Variants in RAB40B observed in about 807,000 individuals in gnomAD.
RAB40B encodes the protein ras-related protein Rab-40B.
RAB40B carries 21 observed loss-of-function variants against 24.0 expected under a neutral mutation model. The ratio of observed to expected loss-of-function variants is 0.88; its 90% CI spans 0.62 to 1.26. The LOEUF is 1.26. RAB40B is among the 50% of genes most tolerant of loss of function. RAB40B has a pLI of 0.00. For missense variants in RAB40B, 348 were observed against 390.5 expected, an observed-to-expected ratio of 0.89 and a Z score of 0.92; for synonymous variants, 167 against 169.8, an observed-to-expected ratio of 0.98 and a Z score of 0.13.
chr17:82,663,297 G>A lies in RAB40B; in HGVS notation c.203+1199C>T, dbSNP rs1335462527. Among the ~76,000 whole-genome samples the A allele has an allele frequency of 6.6e-6, 1 of 152,136 alleles. No individual in the cohort carries two copies. Among genetic ancestry groups the A allele is most frequent in the Non-Finnish European group, 1.5e-5 (1 of 67,988 alleles). On this transcript the variant is annotated intron_variant, in intron 2 of 5. Coordinates refer to ENST00000571995, the MANE Select transcript of RAB40B (RefSeq NM_006822.3). This position sits in a 1 kb window ranked among gnomAD's most constrained non-coding sequence, Gnocchi z 6.2. ...GGGGTCCCAGCTGCTGGAGGCACAC[G>A]TGGCTCGGGGGTGGCCCAGCAGGCA...
In RAB40B at chr17:82,692,657, T is replaced by C. The variant is rs1365303440; in HGVS notation, c.142+5798A>G. ...TCCCTGCCTCAGGCCTCACCCCAGC[T>C]GGAGGCAGCCATTCATGTCAAAGGT... On this transcript the variant is annotated intron_variant, in intron 1 of 5. Transcript: ENST00000571995. The surrounding 1 kb of genome is among the most constrained non-coding windows in gnomAD (Gnocchi z 4.0). Among the ~76,000 whole-genome samples the C allele has an allele frequency of 6.6e-6, 1 of 152,164 alleles. No homozygotes were observed. Among genetic ancestry groups the C allele is most frequent in the African/African-American group, 2.4e-5 (1 of 41,426 alleles).
chr17:82,679,899 C>T lies in RAB40B; in HGVS notation c.143-15343G>A, dbSNP rs367883440. ...GCCCGAGCAGGCTGCGGGGTGAACG[C>T]AGTCGTGGGAGGCTCACGAAGAGAC... On this transcript the variant is annotated intron_variant, in intron 1 of 5. Transcript: ENST00000571995. Among the ~76,000 whole-genome samples, 186 of 152,362 alleles carry T rather than the reference C, an allele frequency of 1.2e-3. 3 individuals are homozygous for T. In the Middle Eastern group the frequency reaches 0.017, roughly 14 times the overall value.
chr17:82,676,659 G>A (rs1223072217), intron 1 of RAB40B, among the ~76,000 whole-genome samples: 2 of 151,836 alleles, frequency 1.3e-5, no homozygotes, highest in African/African-American at 2.4e-5. Flanking sequence ...ATGGAGTCTC[G>A]CTGTGTCGCC....
chr17:82,692,690 T>A lies in RAB40B; in HGVS notation c.142+5765A>T, dbSNP rs2046571068. Among the ~76,000 whole-genome samples the A allele has an allele frequency of 6.6e-6, 1 of 152,188 alleles. No individual in the cohort carries two copies. On this transcript the variant is annotated intron_variant, in intron 1 of 5. Transcript: ENST00000571995. The surrounding 1 kb of genome is among the most constrained non-coding windows in gnomAD (Gnocchi z 4.0). ...GCCATTCATGTCAAAGGTAAAACGA[T>A]GCTTGTAGAGAACATTTTTTTTTTA...
At chr17:82,679,739 G>A (rs909734628) in intron 1 of RAB40B, among the ~76,000 whole-genome samples, 2 of 16,594 alleles carry the variant, frequency 1.2e-4, no homozygotes, top group African/African-American at 2.4e-4. Flanking sequence ...GCAGGTCACC[G>A]AGCACAGGGC....
chr17:82,664,737 C>T (rs2046232714), intron 1 of RAB40B, 181 bp from the exon 2 acceptor site: 2 of 592,402 alleles, frequency 3.4e-6, no homozygotes, highest in African/African-American at 3.8e-5. Context: ...CGCCCTCCCG[C>T]ACCCGGGCCC....
chr17:82,698,533 C>T lies in RAB40B; in HGVS notation c.64G>A (p.Asp22Asn), dbSNP rs751871099. ...DFLLKFLLVG[D>N]SDVGKGEILA... is the part of the protein sequence containing the mutation. ...ATCTCGCCCTTGCCCACGTCGCTGT[C>T]GCCCACCAGCAGGAACTTGAGCAGA... Residue 22 changes from aspartate to asparagine, a missense_variant, in exon 1 of 6, where the codon GAC becomes AAC. Physicochemically the swap from Asp to Asn is conservative, Grantham distance 23. Around this residue, in one of 3 missense-constraint regions of RAB40B, gnomAD observed 101 missense variants for 85.5 expected, o/e 1.18. Transcript: ENST00000571995. The T allele has an allele frequency of 2.6e-6, 4 of 1,529,608 alleles. No homozygotes were observed. The highest frequency in any genetic ancestry group is 3.5e-6 in the Non-Finnish European group (4 of 1,133,780). 94.8% of individuals were successfully genotyped at this position (1,529,608 alleles called of 1,614,324 possible). A position where few individuals can be genotyped will look rare whatever the true frequency, so the allele number is the denominator to read the frequency against.
chr17:82,696,163 C>T (rs1238374934), intron 1 of RAB40B, among the ~76,000 whole-genome samples: 1 of 152,172 alleles, frequency 6.6e-6, no homozygotes, highest in African/African-American at 2.4e-5. Flanking sequence ...CCACCGCCCC[C>T]GGCCCGGTGG....
At position 82,657,910 on chromosome 17, in the gene RAB40B, G is replaced by T. The variant is rs770718454; in HGVS notation, c.790C>A (p.Gln264Lys). 10 of 1,607,904 alleles carry T rather than the reference G, an allele frequency of 6.2e-6. No individual in the cohort carries two copies. The highest frequency in any genetic ancestry group is 1.7e-4 in the Middle Eastern group (1 of 6,012). The change falls in exon 6 of 6, where the codon CAG becomes AAG. Residue 264 changes from glutamine to lysine, a missense_variant. By Grantham distance (53) the Gln-to-Lys change is moderately conservative (BLOSUM62 1). Transcript: ENST00000571995. ...CTGGTGCAGTTTTTGGGGGGGCTCTGGGGGGGGCGGACGAGCTTCACTTTG... is the reference window on the plus strand; with the variant it reads ...CTGGTGCAGTTTTTGGGGGGGCTCTTGGGGGGGCGGACGAGCTTCACTTTG... ...LRKVKLVRPP[Q>K]SPPKNCTRNS...
rs1373318430 is a variant in RAB40B, at chr17:82,659,602, C to T, written c.320G>A (p.Arg107Gln). ...TACCTCATCGATCTCCTTAATCCATCGATCAATGCCGTCAAAAGACCAGCG... is the reference window on the plus strand; with the variant it reads ...TACCTCATCGATCTCCTTAATCCATTGATCAATGCCGTCAAAAGACCAGCG... Reference protein sequence around the residue: ...ANRWSFDGIDRWIKEIDEHAP... With the variant: ...ANRWSFDGIDQWIKEIDEHAP... The change falls in exon 4 of 6, where the codon CGA becomes CAA. Residue 107 changes from arginine to glutamine, a missense_variant. Coordinates refer to ENST00000571995, the MANE Select transcript of RAB40B (RefSeq NM_006822.3). 2 of 1,614,150 alleles carry T rather than the reference C, an allele frequency of 1.2e-6. No individual in the cohort carries two copies. Among genetic ancestry groups the T allele is most frequent in the Non-Finnish European group, 1.7e-6 (2 of 1,180,008 alleles).
rs1257163620 is a variant in RAB40B, at chr17:82,657,058, C to T, written c.*805G>A. The T allele has an allele frequency of 2.0e-5, 3 of 152,276 alleles. No individual in the cohort carries two copies. The highest frequency in any genetic ancestry group is 3.8e-4 in the East Asian group (2 of 5,206). 9.4% of individuals were successfully genotyped at this position (152,276 alleles called of 1,614,324 possible). ...AAATACAAAATTCGAAAGAACCGGT[C>T]GCCAACTCTACCAAGAGAGAAACAA... On this transcript the variant is annotated 3_prime_UTR_variant, in exon 6 of 6. Transcript: ENST00000571995.
intron 1 of RAB40B, among the ~76,000 whole-genome samples, chr17:82,665,110 G>T (rs558558832): frequency 6.6e-6 from 1 of 152,180 alleles, no homozygotes; most frequent in African/African-American, 2.4e-5. Context: ...TGTGAACCAC[G>T]CATGTGCAGG....
At position 82,658,237 on chromosome 17, in the gene RAB40B, C is replaced by A. The variant is rs539830986; in HGVS notation, c.566-103G>T. On this transcript the variant is annotated intron_variant, in intron 5 of 5. Transcript: ENST00000571995. Reference sequence around the variant, plus strand: ...TTCTCCCGCCCTCCCAAGGCTCGGACGCCCGTGGCCCTGGCTTGTACATGC... The same window carrying A: ...TTCTCCCGCCCTCCCAAGGCTCGGAAGCCCGTGGCCCTGGCTTGTACATGC... 3 of 1,480,010 alleles carry A rather than the reference C, an allele frequency of 2.0e-6. No homozygotes were observed. The African/African-American group carries it at 4.2e-5, about 21-fold the overall frequency. 91.7% of individuals were successfully genotyped at this position (1,480,010 alleles called of 1,614,324 possible). A position where few individuals can be genotyped will look rare whatever the true frequency, so the allele number is the denominator to read the frequency against.
At position 82,698,577 on chromosome 17, in the gene RAB40B, G is replaced by C; in HGVS notation, c.20C>G (p.Pro7Arg). ...GAGCAGAAAGTCGTAGGCCCGGACC[G>C]GGCTGCCCAGGGCGCTCATCGTGAC... MSALGS[P>R]VRAYDFLLKF... Residue 7 changes from proline (P) to arginine (R), a missense_variant, in exon 1 of 6, where the codon CCG becomes CGG. This residue lies in a region of RAB40B where 101 missense variants were observed against 85.5 expected (regional missense o/e 1.18). Coordinates refer to ENST00000571995, the MANE Select transcript of RAB40B (RefSeq NM_006822.3). 6.8e-7 allele frequency: 1 copy of C among 1,480,294 alleles called. No homozygotes were observed. The highest frequency in any genetic ancestry group is 2.0e-5 in the Admixed American group (1 of 49,770). 91.7% of individuals were successfully genotyped at this position (1,480,294 alleles called of 1,614,324 possible).
chr17:82,687,722 T>C (rs2244304), intron 1 of RAB40B, among the ~76,000 whole-genome samples: 151,244 of 152,270 alleles, frequency 0.99, 75,121 homozygotes, highest in East Asian at 1. Flanking sequence ...ACAGGGTTCC[T>C]GGAAAACCAG....
chr17:82,662,301 A>G (rs952119178), intron 2 of RAB40B: 1 of 985,350 alleles, frequency 1.0e-6, no homozygotes, highest in African/African-American at 1.7e-5. Context: ...CAGGCTTTGC[A>G]CACAGCGGGA....
At chr17:82,681,643 T>C (rs1005495697) in intron 1 of RAB40B, among the ~76,000 whole-genome samples, 2 of 152,046 alleles carry the variant, frequency 1.3e-5, no homozygotes, top group Non-Finnish European at 2.9e-5. Flanking sequence ...AAAGTAAAAA[T>C]ATAAAGTAAA....
At chr17:82,689,021 C>T (rs879613355) in intron 1 of RAB40B, among the ~76,000 whole-genome samples, 1 of 152,194 alleles carries the variant, frequency 6.6e-6, no homozygotes, top group African/African-American at 2.4e-5. Flanking sequence ...TTGTTCTTTT[C>T]AGGTTTTGTG....
intron 1 of RAB40B, among the ~76,000 whole-genome samples, chr17:82,665,578 A>G (rs539397767): frequency 6.6e-6 from 1 of 152,240 alleles, no homozygotes; most frequent in African/African-American, 2.4e-5. Context: ...AAAAAGCTAC[A>G]ATTAAGGGCT....
Sources: allele counts gnomAD v4.1 joint callset (sites outside exome capture counted in the v4.1 genomes callset), GRCh38; gene constraint gnomAD v4.1.1; regional missense constraint gnomAD v4.1.1; non-coding constraint Gnocchi (gnomAD v3.1); transcripts MANE v1.5; gene names NCBI Gene and HGNC (gene_info 2026-07-23, HGNC 2026-07-21).